LRP12: variants seen among roughly 807,000 people sequenced by gnomAD.
LRP12 encodes LDL receptor related protein 12, also known as low-density lipoprotein receptor-related protein 12.
LRP12 carries 14 observed loss-of-function variants against 66.0 expected under a neutral mutation model. The observed-to-expected ratio is 0.21, with a 90% CI of 0.14 to 0.33. LRP12 has a LOEUF of 0.33. Among genes scored for constraint, LRP12 ranks in the 10% least tolerant of loss-of-function variants. The probability of loss-of-function intolerance (pLI) is 1.00; values close to 1 mark genes in which losing one functional copy is unlikely to be tolerated. For missense variants in LRP12, 889 were observed against 1,053.4 expected (o/e 0.84, Z 2.16); for synonymous variants, 357 against 359.1 (o/e 0.99, Z 0.07).
At chr8:104,545,133 T>G (rs1193517928) in intron 1 of LRP12, among the ~76,000 whole-genome samples, 1 of 152,158 alleles carries the variant, frequency 6.6e-6, no homozygotes, top group Non-Finnish European at 1.5e-5. Context: ...AGGAAGAAAC[T>G]GCAGACGTGG....
chr8:104,535,223 C>T (rs1215362635), intron 1 of LRP12, among the ~76,000 whole-genome samples: 2 of 151,860 alleles, frequency 1.3e-5, no homozygotes, highest in Non-Finnish European at 1.5e-5. Context: ...AATCAACCAA[C>T]CCCATTTATT....
At chr8:104,493,543 C>A (rs998561628) in intron 6 of LRP12, among the ~76,000 whole-genome samples, 12 of 152,174 alleles carry the variant, frequency 7.9e-5, no homozygotes, top group Admixed American at 7.9e-4. Context: ...TGTCTGAAAG[C>A]AGTGTCTTTG....
At chr8:104,547,902 A>C (rs1811621846) in intron 1 of LRP12, among the ~76,000 whole-genome samples, 2 of 128,268 alleles carry the variant, frequency 1.6e-5, no homozygotes, top group Non-Finnish European at 3.1e-5. Context: ...TATAATATAC[A>C]ATTCTGTTAT....
chr8:104,572,213 G>A (rs541448109), intron 1 of LRP12, among the ~76,000 whole-genome samples: 18 of 152,056 alleles, frequency 1.2e-4, no homozygotes, highest in Non-Finnish European at 2.1e-4. Context: ...CAAAACTATG[G>A]TTAGGAACAT....
intron 1 of LRP12, among the ~76,000 whole-genome samples, chr8:104,579,803 A>T (rs1212308932): frequency 6.6e-6 from 1 of 152,202 alleles, no homozygotes; most frequent in African/African-American, 2.4e-5. Context: ...GATCTTCAAC[A>T]AACTTGACAA....
At chr8:104,529,360 T>A (rs1245631211) in intron 2 of LRP12, among the ~76,000 whole-genome samples, 1 of 152,130 alleles carries the variant, frequency 6.6e-6, no homozygotes, top group Non-Finnish European at 1.5e-5. Flanking sequence ...TTGTTTAAGT[T>A]ACCTAGAACG....
chr8:104,513,000 G>A (rs78020896), intron 2 of LRP12, among the ~76,000 whole-genome samples: 3,601 of 152,056 alleles, frequency 0.024, 157 homozygotes, highest in African/African-American at 0.082. Flanking sequence ...TATTGATTTA[G>A]TTATGCACAT....
In LRP12 at chr8:104,548,044, GTTATA is replaced by G. The variant is rs554352106; in HGVS notation, c.80-16086_80-16082del. On this transcript the variant is annotated intron_variant, in intron 1 of 6. Transcript: ENST00000276654. ...TATTTTGTATATAATATATAATTCTGTTATATTATATTTTGTATATAATATATAAT... is the reference window on the plus strand; with the variant it reads ...TATTTTGTATATAATATATAATTCTGTTATATTTTGTATATAATATATAAT... Among the ~76,000 whole-genome samples, 462 of 112,932 alleles carry G rather than the reference GTTATA, an allele frequency of 4.1e-3. 8 individuals carry two copies. The highest frequency in any genetic ancestry group is 0.022 in the South Asian group (85 of 3,796). 74.1% of individuals were successfully genotyped at this position (112,932 alleles called of 152,430 possible).
chr8:104,491,598 A>AAC (rs1327779285), intron 6 of LRP12, 59 bp from the exon 7 acceptor site: 1 of 1,312,628 alleles, frequency 7.6e-7, no homozygotes, highest in East Asian at 2.4e-5. Flanking sequence ...GATAAAAAAA[A>AAC]AAAAAAACAC....
At chr8:104,495,273 A>C in intron 5 of LRP12, 64 bp from the exon 6 acceptor site, 1 of 1,466,550 alleles carries the variant, frequency 6.8e-7, no homozygotes, top group Non-Finnish European at 9.4e-7. Context: ...ACAATTTTCT[A>C]TTATCAGTAA....
At chr8:104,540,387 ACTTTCCCCAT>A (rs1307024673) in intron 1 of LRP12, among the ~76,000 whole-genome samples, 2 of 152,156 alleles carry the variant, frequency 1.3e-5, no homozygotes, top group Non-Finnish European at 2.9e-5. Context: ...TCATATACCT[ACTTTCCCCAT>A]GTAGGTCTAG....
intron 1 of LRP12, among the ~76,000 whole-genome samples, chr8:104,547,688 T>C (rs1301687374): frequency 7.9e-5 from 10 of 126,676 alleles, no homozygotes; most frequent in Middle Eastern, 0.012. Context: ...TTGTATAATA[T>C]AAAATCATAT....
intron 2 of LRP12, among the ~76,000 whole-genome samples, chr8:104,519,574 G>A (rs1380946444): frequency 2.6e-5 from 4 of 151,884 alleles, no homozygotes; most frequent in Non-Finnish European, 4.4e-5. Context: ...AAAGATTCTG[G>A]AGCATTTCAA....
At chr8:104,546,423 G>C (rs949536995) in intron 1 of LRP12, among the ~76,000 whole-genome samples, 7 of 152,070 alleles carry the variant, frequency 4.6e-5, no homozygotes, top group African/African-American at 1.7e-4. Flanking sequence ...CACCTTTAAA[G>C]CTGGACAACC....
rs562584044 is a variant in LRP12 at position 104,501,052 on chromosome 8, T to C, written c.273-1533A>G. Among the ~76,000 whole-genome samples, 20 of 152,358 alleles carry C rather than the reference T, an allele frequency of 1.3e-4. No homozygotes were observed. The South Asian group carries it at 1.7e-3, about 13-fold the overall frequency. On this transcript the variant is annotated intron_variant, in intron 3 of 6. Transcript: ENST00000276654. ...AAATCCTTTTCCAATTTTTGGGTTA[T>C]TTCTATTTCTTTTACTCCAAATTGC...
chr8:104,512,998 T>C (rs910767169), intron 2 of LRP12, among the ~76,000 whole-genome samples: 9 of 152,208 alleles, frequency 5.9e-5, no homozygotes, highest in African/African-American at 2.2e-4. Context: ...TATATTGATT[T>C]AGTTATGCAC....
chr8:104,514,545 TAA>T (rs565370904), intron 2 of LRP12, among the ~76,000 whole-genome samples: 73 of 128,692 alleles, frequency 5.7e-4, no homozygotes, highest in Admixed American at 7.2e-4. Flanking sequence ...CGTCTCTACT[TAA>T]AAAAAAAAAA....
chr8:104,589,183 C>T lies in LRP12; in HGVS notation c.-286G>A, dbSNP rs1460372362. Among the ~76,000 whole-genome samples the T allele has an allele frequency of 5.9e-5, 9 of 151,388 alleles. No homozygotes were observed. Among genetic ancestry groups the T allele is most frequent in the African/African-American group, 2.2e-4 (9 of 41,382 alleles). On this transcript the variant is annotated 5_prime_UTR_variant, in exon 1 of 7. Transcript: ENST00000276654. ...AGGGCAAGGAGCTCGCGCGCCAGCG[C>T]GAGACGAGAGGGTGGCGGACGCCGG...
At chr8:104,505,936 T>G (rs998996569) in intron 3 of LRP12, 2 of 152,172 alleles carry the variant, frequency 1.3e-5, no homozygotes, top group African/African-American at 4.8e-5. Flanking sequence ...TTACTAAAAT[T>G]TAGCATTTCC....
Sources: gnomAD v4.1 joint callset for allele counts (sites outside exome capture counted in the v4.1 genomes callset) on GRCh38, gnomAD v4.1.1 for gene constraint, MANE v1.5 for transcripts, NCBI Gene and HGNC (gene_info 2026-07-23, HGNC 2026-07-21) for gene names.